SNX27: variants seen among roughly 807,000 people sequenced by gnomAD.
SNX27 encodes the protein sorting nexin 27, also known as sorting nexin-27.
Under a neutral mutation model 71.6 loss-of-function variants are expected in SNX27, and 22 were observed. The ratio of observed to expected loss-of-function variants is 0.31; its 90% CI spans 0.22 to 0.44. SNX27 has a LOEUF of 0.44. Among genes scored for constraint, SNX27 ranks in the 20% least tolerant of loss-of-function variants. The pLI is 1.00. For missense variants in SNX27, 531 were observed against 698.6 expected, an observed-to-expected ratio of 0.76 and a Z score of 2.70; for synonymous variants, 269 against 277.2, an observed-to-expected ratio of 0.97 and a Z score of 0.29.
chr1:151,652,673 A>G (rs1295037142), intron 2 of SNX27, among the ~76,000 whole-genome samples: 2 of 151,884 alleles, frequency 1.3e-5, no homozygotes, highest in Non-Finnish European at 2.9e-5. Flanking sequence ...GACCTCCCAA[A>G]GTGCTGGAAT....
intron 2 of SNX27, among the ~76,000 whole-genome samples, chr1:151,651,167 A>AGT (rs1669325417): frequency 6.6e-6 from 1 of 151,518 alleles, no homozygotes; most frequent in Non-Finnish European, 1.5e-5. Flanking sequence ...CTCACTTCCC[A>AGT]GTAGGGGCGG....
intron 5 of SNX27, among the ~76,000 whole-genome samples, chr1:151,664,027 G>C (rs1219620615): frequency 6.7e-6 from 1 of 150,368 alleles, no homozygotes; most frequent in Non-Finnish European, 1.5e-5. Context: ...CCAGTTTGTG[G>C]GAAAGACAGG....
At chr1:151,637,364 G>C (rs1194194098) in intron 1 of SNX27, among the ~76,000 whole-genome samples, 3 of 151,454 alleles carry the variant, frequency 2.0e-5, no homozygotes, top group Non-Finnish European at 2.9e-5. Context: ...ATTTTTAGTA[G>C]AGACAGGGTT....
intron 2 of SNX27, among the ~76,000 whole-genome samples, chr1:151,650,796 G>A (rs994492525): frequency 2.0e-5 from 3 of 151,510 alleles, no homozygotes; most frequent in African/African-American, 7.3e-5. Context: ...AGGGAGTGGT[G>A]ATGACTCTTA....
At chr1:151,675,553 T>C (rs1265210578) in intron 7 of SNX27, among the ~76,000 whole-genome samples, 3 of 150,626 alleles carry the variant, frequency 2.0e-5, no homozygotes, top group Admixed American at 1.3e-4. Context: ...GTTTTTTTGT[T>C]TTGTTTTGTT....
At chr1:151,657,219 G>T (rs1300213815) in intron 2 of SNX27, among the ~76,000 whole-genome samples, 1 of 152,138 alleles carries the variant, frequency 6.6e-6, no homozygotes, top group Non-Finnish European at 1.5e-5. Flanking sequence ...TATTGTCCAG[G>T]CTGGAGTGTA....
At chr1:151,656,421 T>A (rs1272055597) in intron 2 of SNX27, among the ~76,000 whole-genome samples, 1 of 152,156 alleles carries the variant, frequency 6.6e-6, no homozygotes, top group East Asian at 1.9e-4. Context: ...GGTCAATAAG[T>A]ATATGAAGAG....
Position 151,694,397 on chromosome 1 carries a change from CA to C in SNX27, c.1607del (p.Gln536ArgfsTer51). 1 of 1,550,196 alleles carries C rather than the reference CA, an allele frequency of 6.5e-7. No homozygotes were observed. Among genetic ancestry groups the C allele is most frequent in the South Asian group, 1.2e-5 (1 of 84,010 alleles). On this transcript the variant is annotated frameshift_variant, in exon 12 of 12. Transcript: ENST00000458013. LOFTEE classifies it high-confidence loss of function. ...CATTTTCCAGATGGCGAGGTCACAGCAGAGAGATGTGGCCACCTAGCCTTTC... is the reference window on the plus strand; with the variant it reads ...CATTTTCCAGATGGCGAGGTCACAGCGAGAGATGTGGCCACCTAGCCTTTC... The part of the protein sequence containing the change: ...ENIFQMARSQ[Q>X]RDVAT
chr1:151,667,547 C>G (rs997696483), intron 6 of SNX27, among the ~76,000 whole-genome samples: 1 of 151,856 alleles, frequency 6.6e-6, no homozygotes, highest in African/African-American at 2.4e-5. Context: ...TTTAGTGGGC[C>G]GGGCGCGGTG....
intron 1 of SNX27, among the ~76,000 whole-genome samples, chr1:151,631,207 G>C (rs1247009620): frequency 6.6e-6 from 1 of 152,176 alleles, no homozygotes; most frequent in East Asian, 1.9e-4. Context: ...TTCTAGTACA[G>C]TTGTACTGAA....
At chr1:151,690,223 G>T (rs77927512) in intron 8 of SNX27, among the ~76,000 whole-genome samples, 50 of 152,226 alleles carry the variant, frequency 3.3e-4, no homozygotes, top group Non-Finnish European at 6.3e-4. Context: ...ACCCAGCTTC[G>T]ATAGCCTTCG....
At chr1:151,689,685 C>G (rs1195755491) in intron 8 of SNX27, among the ~76,000 whole-genome samples, 2 of 152,134 alleles carry the variant, frequency 1.3e-5, no homozygotes, top group Non-Finnish European at 2.9e-5. Flanking sequence ...TCAACGACAC[C>G]CACTGGCATT....
At position 151,692,591 on chromosome 1, in the gene SNX27, T is replaced by C; in HGVS notation, c.1389+7T>C. 6.2e-7 allele frequency: 1 copy of C among 1,611,144 alleles called. No homozygotes were observed. The highest frequency in any genetic ancestry group is 8.5e-7 in the Non-Finnish European group (1 of 1,179,204). Reference sequence around the variant, plus strand: ...TGAAGAAGGACAGCTGGAGGTGAGTTTTCAGCATAGGGCTCTGGCTGCGAG... The same window carrying C: ...TGAAGAAGGACAGCTGGAGGTGAGTCTTCAGCATAGGGCTCTGGCTGCGAG... On this transcript the variant is annotated splice_region_variant and intron_variant, in intron 9 of 11. Coordinates refer to ENST00000458013, the MANE Select transcript of SNX27 (RefSeq NM_001330723.2).
At chr1:151,628,624 C>T (rs1232320443) in intron 1 of SNX27, among the ~76,000 whole-genome samples, 2 of 152,170 alleles carry the variant, frequency 1.3e-5, no homozygotes, top group Non-Finnish European at 2.9e-5. Context: ...TGCTGTTGCT[C>T]CACATCCTCA....
chr1:151,665,227 C>T (rs1670140712), intron 5 of SNX27, among the ~76,000 whole-genome samples: 1 of 152,150 alleles, frequency 6.6e-6, no homozygotes, highest in African/African-American at 2.4e-5. Context: ...CATTTATTTG[C>T]ACACAGTTTT....
Position 151,622,335 on chromosome 1 carries a change from A to T in SNX27, c.311+9823A>T, listed in dbSNP as rs55834101. Among the ~76,000 whole-genome samples the T allele has an allele frequency of 7.4e-3, 1,126 of 152,266 alleles. 10 individuals are homozygous for T. Among genetic ancestry groups the T allele is most frequent in the African/African-American group, 0.026 (1,074 of 41,548 alleles). Reference sequence around the variant, plus strand: ...TACAGGACCACTTGGGATTAATTGAATATATAGGAAATGGGTGGTTGAGAT... The same window carrying T: ...TACAGGACCACTTGGGATTAATTGATTATATAGGAAATGGGTGGTTGAGAT... On this transcript the variant is annotated intron_variant, in intron 1 of 11. Transcript: ENST00000458013.
At chr1:151,628,374 G>T (rs1668048512) in intron 1 of SNX27, among the ~76,000 whole-genome samples, 1 of 152,116 alleles carries the variant, frequency 6.6e-6, no homozygotes, top group African/African-American at 2.4e-5. Context: ...CTCTTCCACA[G>T]ATTGTTTATT....
At chr1:151,658,520 A>G (rs1290172295) in intron 3 of SNX27, 93 bp downstream of exon 3, 6 of 1,256,592 alleles carry the variant, frequency 4.8e-6, no homozygotes, top group African/African-American at 1.5e-5. Context: ...CAGAACCTCA[A>G]TAGTGAATGT....
At chr1:151,694,293 T>C in intron 11 of SNX27, 77 bp from the exon 12 acceptor site, 1 of 1,540,192 alleles carries the variant, frequency 6.5e-7, no homozygotes, top group Non-Finnish European at 8.7e-7. Context: ...CATACCTTTT[T>C]AGCTTCTGTT....
Sources: allele counts gnomAD v4.1 joint callset (sites outside exome capture counted in the v4.1 genomes callset), GRCh38; gene constraint gnomAD v4.1.1; transcripts MANE v1.5; gene names NCBI Gene and HGNC (gene_info 2026-07-23, HGNC 2026-07-21).